The following FUT8 variants were observed in gnomAD, a reference collection of about 807,000 sequenced individuals.
FUT8 encodes the protein fucosyltransferase 8.
FUT8 carries 29 observed loss-of-function variants against 71.3 expected under a neutral mutation model. That is an observed-to-expected ratio of 0.41 (90% confidence interval 0.30 to 0.55). The LOEUF is 0.55. FUT8 is among the 20% of genes least tolerant of loss of function. The probability of loss-of-function intolerance (pLI) is 0.34; values close to 1 mark genes in which losing one functional copy is unlikely to be tolerated. For synonymous variants in FUT8, 254 were observed against 239.3 expected (o/e 1.06, Z -0.57); for missense variants, 544 against 702.1 (o/e 0.77, Z 2.55).
intron 2 of FUT8, among the ~76,000 whole-genome samples, chr14:65,458,699 A>G (rs2065929642): frequency 1.3e-5 from 2 of 152,036 alleles, no homozygotes; most frequent in Admixed American, 6.5e-5. Context: ...TAATTTTCAT[A>G]GTATCTCTGT....
At chr14:65,396,190 T>G in the FUT8 span, among the ~76,000 whole-genome samples, 1 of 152,250 alleles carries the variant, frequency 6.6e-6, no homozygotes, top group Non-Finnish European at 1.5e-5. The surrounding 1 kb of genome is among the most constrained non-coding windows in gnomAD (Gnocchi z 5.5). Flanking sequence ...CGTCTTCTTC[T>G]GAGCCCTCCA....
At chr14:65,582,563 C>T (rs939358734) in intron 3 of FUT8, among the ~76,000 whole-genome samples, 1 of 152,142 alleles carries the variant, frequency 6.6e-6, no homozygotes, top group African/African-American at 2.4e-5. Flanking sequence ...TCAACCTAAG[C>T]GTGTCTTCTT....
intron 1 of FUT8, among the ~76,000 whole-genome samples, chr14:65,423,143 G>A (rs1396085437): frequency 2.6e-5 from 4 of 151,360 alleles, no homozygotes; most frequent in African/African-American, 9.7e-5. Flanking sequence ...ACACCACCAC[G>A]CCTGGCTAAT....
At chr14:65,524,945 G>A (rs1303232820) in intron 2 of FUT8, among the ~76,000 whole-genome samples, 1 of 152,168 alleles carries the variant, frequency 6.6e-6, no homozygotes, top group Non-Finnish European at 1.5e-5. Flanking sequence ...TGGTGGATAA[G>A]CTTTTTGATG....
chr14:65,379,444 C>T, the FUT8 span, among the ~76,000 whole-genome samples: 2 of 151,982 alleles, frequency 1.3e-5, no homozygotes, highest in African/African-American at 4.8e-5. Context: ...GCAGGAGAAT[C>T]GCTTGATCCT....
chr14:65,573,587 G>A lies in FUT8; in HGVS notation c.203+11821G>A, dbSNP rs144586966. Among the ~76,000 whole-genome samples, 755 of 152,166 alleles carry A rather than the reference G, an allele frequency of 5.0e-3. 11 individuals are homozygous for A. The highest frequency in any genetic ancestry group is 0.017 in the African/African-American group (718 of 41,510). On this transcript the variant is annotated intron_variant, in intron 3 of 10. Transcript: ENST00000673929. ...CAAAAGGGGGTCCACGTTGGATGCA[G>A]TGGCACAAGCCTGTAGTCCTAGCTG...
chr14:65,531,344 T>C (rs987521431), intron 2 of FUT8, among the ~76,000 whole-genome samples: 3 of 152,086 alleles, frequency 2.0e-5, no homozygotes, highest in Admixed American at 6.5e-5. Context: ...ATCTGATTAT[T>C]ATATGTCTAT....
At chr14:65,702,227 C>G (rs1265411037) in intron 7 of FUT8, among the ~76,000 whole-genome samples, 1 of 152,046 alleles carries the variant, frequency 6.6e-6, no homozygotes, top group African/African-American at 2.4e-5. Context: ...CGCCTGTAAT[C>G]CCAGCTACTC....
At position 65,700,008 on chromosome 14, in the gene FUT8, T is replaced by C. The variant is rs577168539; in HGVS notation, c.836-21767T>C. Among the ~76,000 whole-genome samples the C allele has an allele frequency of 5.9e-5, 9 of 152,344 alleles. No homozygotes were observed. In the South Asian group the frequency reaches 1.5e-3, roughly 25 times the overall value. ...TGGTTTTTGTGGTATATCTACCTCTTATCTCCAATACTGCAAGGAAAAGAA... is the reference window on the plus strand; with the variant it reads ...TGGTTTTTGTGGTATATCTACCTCTCATCTCCAATACTGCAAGGAAAAGAA... On this transcript the variant is annotated intron_variant, in intron 7 of 10. Transcript: ENST00000673929.
At chr14:65,368,584 T>A in the FUT8 span, among the ~76,000 whole-genome samples, 1 of 131,602 alleles carries the variant, frequency 7.6e-6, no homozygotes, top group Non-Finnish European at 1.7e-5. Flanking sequence ...TGCAGTGGCG[T>A]GATCTCCGCT....
At chr14:65,370,077 C>T in the FUT8 span, among the ~76,000 whole-genome samples, 1 of 151,240 alleles carries the variant, frequency 6.6e-6, no homozygotes, top group African/African-American at 2.4e-5. Flanking sequence ...TATTCTTCTT[C>T]ATGTCATCGT....
intron 7 of FUT8, among the ~76,000 whole-genome samples, chr14:65,699,602 A>T (rs1486505640): frequency 6.6e-6 from 1 of 152,150 alleles, no homozygotes; most frequent in Non-Finnish European, 1.5e-5. Context: ...AGAGTATAGC[A>T]GACCCACCCA....
the FUT8 span, among the ~76,000 whole-genome samples, chr14:65,357,139 C>T: frequency 2.6e-5 from 4 of 152,198 alleles, no homozygotes; most frequent in Non-Finnish European, 5.9e-5. Context: ...GTTCTTATCT[C>T]TAAAATGGGG....
At chr14:65,380,333 C>T in the FUT8 span, among the ~76,000 whole-genome samples, 1,368 of 152,206 alleles carry the variant, frequency 9.0e-3, 18 homozygotes, top group African/African-American at 0.031. Flanking sequence ...CCCCCGGGTC[C>T]CTCCCACAAC....
intron 5 of FUT8, among the ~76,000 whole-genome samples, chr14:65,625,554 CAAAT>C (rs1476288650): frequency 6.6e-6 from 1 of 152,132 alleles, no homozygotes; most frequent in Non-Finnish European, 1.5e-5. Flanking sequence ...CTGAGAATAA[CAAAT>C]AAGAAAATGG....
At chr14:65,514,744 T>C (rs147282787) in intron 2 of FUT8, among the ~76,000 whole-genome samples, 34 of 152,268 alleles carry the variant, frequency 2.2e-4, no homozygotes, top group African/African-American at 8.2e-4. Context: ...TTAGGGTACA[T>C]GTGCACATAG....
intron 6 of FUT8, among the ~76,000 whole-genome samples, chr14:65,655,977 T>C (rs1159306319): frequency 6.7e-6 from 1 of 149,684 alleles, no homozygotes; most frequent in East Asian, 2.0e-4. Flanking sequence ...ATAAAAGCCA[T>C]ATACAACAGA....
At chr14:65,675,748 G>A (rs1055663222) in intron 7 of FUT8, among the ~76,000 whole-genome samples, 2 of 152,082 alleles carry the variant, frequency 1.3e-5, no homozygotes, top group African/African-American at 4.8e-5. Context: ...CCAGTACTTT[G>A]GGAGGCCGAG....
chr14:65,500,603 C>T (rs951153574), intron 2 of FUT8, among the ~76,000 whole-genome samples: 2 of 152,244 alleles, frequency 1.3e-5, no homozygotes, highest in East Asian at 1.9e-4. Flanking sequence ...GTTTTCTTTT[C>T]GCTAGACTAA....
Sources: allele counts gnomAD v4.1 joint callset (sites outside exome capture counted in the v4.1 genomes callset), GRCh38; gene constraint gnomAD v4.1.1; non-coding constraint Gnocchi (gnomAD v3.1); transcripts MANE v1.5; gene names NCBI Gene and HGNC (gene_info 2026-07-23, HGNC 2026-07-21).